The following DERA variants were observed in gnomAD, a reference collection of about 807,000 sequenced individuals.
DERA encodes 2-deoxy-D-ribose 5-phosphate aldolase.
Under a neutral mutation model 41.1 loss-of-function variants are expected in DERA, and 15 were observed. The observed-to-expected ratio is 0.37, with a 90% CI of 0.24 to 0.56. DERA has a LOEUF of 0.56. Ranked by LOEUF, DERA falls within the 20% of genes least tolerant of loss-of-function variation. DERA has a pLI of 0.81. For synonymous variants in DERA, 139 were observed against 137.4 expected (o/e 1.01, Z -0.08); for missense variants, 396 against 403.4 (o/e 0.98, Z 0.16).
rs1948356351 is a variant in DERA at position 15,935,233 on chromosome 12, T to A, written c.32-21703T>A. Reference sequence around the variant, plus strand: ...TGAGTATGGTGGCTCATGCCTGTAATCTCAGCACTTTGGGAGGCTGAGGTG... The same window carrying A: ...TGAGTATGGTGGCTCATGCCTGTAAACTCAGCACTTTGGGAGGCTGAGGTG... On this transcript the variant is annotated intron_variant, in intron 1 of 8. Transcript: ENST00000428559. The surrounding 1 kb of genome is among the most constrained non-coding windows in gnomAD (Gnocchi z 4.8). 6.6e-6 allele frequency among the ~76,000 whole-genome samples: 1 copy of A among 152,230 alleles called. No individual in the cohort carries two copies. The highest frequency in any genetic ancestry group is 2.4e-5 in the African/African-American group (1 of 41,450).
rs1948697300 is a variant in DERA, at chr12:15,976,366, G to A, written c.509-5942G>A. 6.6e-6 allele frequency among the ~76,000 whole-genome samples: 1 copy of A among 152,126 alleles called. No individual in the cohort carries two copies. Among genetic ancestry groups the A allele is most frequent in the African/African-American group, 2.4e-5 (1 of 41,418 alleles). ...TAGAATTTTCAGTCCTCGCTGGTAAGGGTGACCTTCACTTTCCCCAGAGCT... is the reference window on the plus strand; with the variant it reads ...TAGAATTTTCAGTCCTCGCTGGTAAAGGTGACCTTCACTTTCCCCAGAGCT... On this transcript the variant is annotated intron_variant, in intron 5 of 8. Coordinates refer to ENST00000428559, the MANE Select transcript of DERA (RefSeq NM_015954.4). The surrounding 1 kb of genome is among the most constrained non-coding windows in gnomAD (Gnocchi z 4.1).
chr12:16,029,910 G>A (rs1265794158), intron 6 of DERA, among the ~76,000 whole-genome samples: 2 of 93,554 alleles, frequency 2.1e-5, no homozygotes, highest in African/African-American at 6.2e-5. Flanking sequence ...ATGTAGCCTT[G>A]GTCTTTTTTT....
Position 15,921,141 on chromosome 12 carries a change from T to G in DERA, c.31+9727T>G, listed in dbSNP as rs1245020166. 2.6e-5 allele frequency among the ~76,000 whole-genome samples: 4 copies of G among 152,232 alleles called. No individual in the cohort carries two copies. The highest frequency in any genetic ancestry group is 5.9e-5 in the Non-Finnish European group (4 of 68,042). ...ATGGAAAGAAATAAGCCTTTTTATT[T>G]GATTGAGATAAGTGAAGAAATGTGT... On this transcript the variant is annotated intron_variant, in intron 1 of 8. Coordinates refer to ENST00000428559, the MANE Select transcript of DERA (RefSeq NM_015954.4). The surrounding 1 kb of genome is among the most constrained non-coding windows in gnomAD (Gnocchi z 5.3).
At position 16,017,887 on chromosome 12, in the gene DERA, T is replaced by G. The variant is rs1318311446; in HGVS notation, c.638-14655T>G. On this transcript the variant is annotated intron_variant, in intron 6 of 8. Transcript: ENST00000428559. The surrounding 1 kb of genome is among the most constrained non-coding windows in gnomAD (Gnocchi z 5.5). ...TATGAATTCCACTTAATGACAAGCTTTCTCAAGCAGCAGTTGATTTGAAAT... is the reference window on the plus strand; with the variant it reads ...TATGAATTCCACTTAATGACAAGCTGTCTCAAGCAGCAGTTGATTTGAAAT... Among the ~76,000 whole-genome samples the G allele has an allele frequency of 1.3e-5, 2 of 152,200 alleles. No individual in the cohort carries two copies. Among genetic ancestry groups the G allele is most frequent in the African/African-American group, 4.8e-5 (2 of 41,466 alleles).
rs1948695004 is a variant in DERA at position 15,976,091 on chromosome 12, T to G, written c.509-6217T>G. Among the ~76,000 whole-genome samples, 1 of 152,210 alleles carries G rather than the reference T, an allele frequency of 6.6e-6. No homozygotes were observed. The highest frequency in any genetic ancestry group is 1.5e-5 in the Non-Finnish European group (1 of 68,036). ...TTATATATCAGTCTATAAATCTGTC[T>G]TAGAACTTACAACTTCACACTATAA... On this transcript the variant is annotated intron_variant, in intron 5 of 8. Transcript: ENST00000428559. This position sits in a 1 kb window ranked among gnomAD's most constrained non-coding sequence, Gnocchi z 4.1.
rs550301521 is a variant in DERA at position 15,973,109 on chromosome 12, G to C, written c.509-9199G>C. Among the ~76,000 whole-genome samples the C allele has an allele frequency of 8.5e-5, 13 of 152,250 alleles. No individual in the cohort carries two copies. The East Asian group carries it at 2.3e-3, about 27-fold the overall frequency. The stretch of plus-strand genomic sequence containing the variant: ...AGCTGGGAACGACAGGCAGAGGTCA[G>C]GTTATGACCTCTACTTCTTCTCAGT... On this transcript the variant is annotated intron_variant, in intron 5 of 8. Coordinates refer to ENST00000428559, the MANE Select transcript of DERA (RefSeq NM_015954.4).
rs1948731101 is a variant in DERA, at chr12:15,981,293, A to G, written c.509-1015A>G. Among the ~76,000 whole-genome samples the G allele has an allele frequency of 6.6e-6, 1 of 152,200 alleles. No individual in the cohort carries two copies. On this transcript the variant is annotated intron_variant, in intron 5 of 8. Transcript: ENST00000428559. The surrounding 1 kb of genome is among the most constrained non-coding windows in gnomAD (Gnocchi z 6.1). ...AACCCCAGAGGCGGAGGTTGCAGTG[A>G]GCTGAGATCACGCCACTGCACTCCA... is the stretch of plus-strand genomic sequence containing the variant.
At position 16,035,109 on chromosome 12, in the gene DERA, C is replaced by T. The variant is rs998202311; in HGVS notation, c.751-1123C>T. On this transcript the variant is annotated intron_variant, in intron 7 of 8. Transcript: ENST00000428559. This position sits in a 1 kb window ranked among gnomAD's most constrained non-coding sequence, Gnocchi z 4.1. ...CTGTGAGAATTGATAAGGGTCTAAA[C>T]TGAAACAAGTGAGAGTGCAGTGGAA... Among the ~76,000 whole-genome samples the T allele has an allele frequency of 6.6e-6, 1 of 152,116 alleles. No individual in the cohort carries two copies. The highest frequency in any genetic ancestry group is 1.5e-5 in the Non-Finnish European group (1 of 68,026).
intron 1 of DERA, among the ~76,000 whole-genome samples, chr12:15,930,978 A>G (rs1948323490): frequency 6.6e-6 from 1 of 152,214 alleles, no homozygotes; most frequent in Admixed American, 6.5e-5. Flanking sequence ...CAGATATTGT[A>G]TAATCTTCAA....
In DERA at chr12:15,935,361, CCTGT is replaced by C; in HGVS notation, c.32-21574_32-21571del. Among the ~76,000 whole-genome samples the C allele has an allele frequency of 6.6e-6, 1 of 152,060 alleles. No homozygotes were observed. The highest frequency in any genetic ancestry group is 1.9e-4 in the East Asian group (1 of 5,176). The stretch of plus-strand genomic sequence containing the variant: ...AATTAGCCAGGTGTGGTGGCATCCA[CCTGT>C]AGTCCTACCTACTTGGGAGGCTGAG... On this transcript the variant is annotated intron_variant, in intron 1 of 8. Transcript: ENST00000428559. This position sits in a 1 kb window ranked among gnomAD's most constrained non-coding sequence, Gnocchi z 4.8.
In DERA at chr12:15,982,610, G is replaced by T. The variant is rs566555868; in HGVS notation, c.637+174G>T. On this transcript the variant is annotated intron_variant, in intron 6 of 8. Transcript: ENST00000428559. The surrounding 1 kb of genome is among the most constrained non-coding windows in gnomAD (Gnocchi z 4.0). The stretch of plus-strand genomic sequence containing the variant: ...CAATGTGAAGTGGTCAAAAACTCCT[G>T]GCTTTCTTCCACATTTTTTTTTGTG... Among the ~76,000 whole-genome samples the T allele has an allele frequency of 6.6e-6, 1 of 152,278 alleles. No homozygotes were observed. Among genetic ancestry groups the T allele is most frequent in the South Asian group, 2.1e-4 (1 of 4,826 alleles).
chr12:15,986,675 A>G (rs1948766300), intron 6 of DERA, among the ~76,000 whole-genome samples: 1 of 151,924 alleles, frequency 6.6e-6, no homozygotes, highest in East Asian at 1.9e-4. Context: ...CTCTTACTAC[A>G]ATGATACGAA....
Position 15,922,127 on chromosome 12 carries a change from A to C in DERA, c.31+10713A>C, listed in dbSNP as rs1013878483. Among the ~76,000 whole-genome samples, 14 of 152,166 alleles carry C rather than the reference A, an allele frequency of 9.2e-5. No homozygotes were observed. The highest frequency in any genetic ancestry group is 2.7e-4 in the African/African-American group (11 of 41,440). ...CACTGTCCATGTCTTTGTGAAAGCT[A>C]TAAGAGCAATAGAACTTAGGAGCCC... On this transcript the variant is annotated intron_variant, in intron 1 of 8. Coordinates refer to ENST00000428559, the MANE Select transcript of DERA (RefSeq NM_015954.4). This position sits in a 1 kb window ranked among gnomAD's most constrained non-coding sequence, Gnocchi z 4.9.
rs1370789009 is a variant in DERA, at chr12:15,918,587, A to C, written c.31+7173A>C. 6.6e-6 allele frequency among the ~76,000 whole-genome samples: 1 copy of C among 152,144 alleles called. No homozygotes were observed. Among genetic ancestry groups the C allele is most frequent in the African/African-American group, 2.4e-5 (1 of 41,422 alleles). ...AATTTTTAAAATGTAAATATATAAG[A>C]ATATTTTAAAAACCTTTATGTGGAG... On this transcript the variant is annotated intron_variant, in intron 1 of 8. Transcript: ENST00000428559. The surrounding 1 kb of genome is among the most constrained non-coding windows in gnomAD (Gnocchi z 4.3).
chr12:15,945,094 T>C (rs1948437076), intron 1 of DERA, among the ~76,000 whole-genome samples: 2 of 152,350 alleles, frequency 1.3e-5, no homozygotes, highest in South Asian at 4.1e-4. Flanking sequence ...TCTATATCTC[T>C]GTTTTGGTAC....
chr12:15,982,261 T>C lies in DERA; in HGVS notation c.509-47T>C, dbSNP rs761171728. 5 of 1,577,820 alleles carry C rather than the reference T, an allele frequency of 3.2e-6. No homozygotes were observed. In the African/African-American group the frequency reaches 6.8e-5, roughly 22 times the overall value. ...AGCTCTAAACGGCTGCCAAGTTATG[T>C]TATCACTTGCCTGCTTTGTAACTGC... On this transcript the variant is annotated intron_variant, in intron 5 of 8. Transcript: ENST00000428559. The surrounding 1 kb of genome is among the most constrained non-coding windows in gnomAD (Gnocchi z 4.0).
Position 15,943,705 on chromosome 12 carries a change from TTTTATTTATTTATTTA to T in DERA, c.32-13211_32-13196del, listed in dbSNP as rs369885387. On this transcript the variant is annotated intron_variant, in intron 1 of 8. Coordinates refer to ENST00000428559, the MANE Select transcript of DERA (RefSeq NM_015954.4). This position sits in a 1 kb window ranked among gnomAD's most constrained non-coding sequence, Gnocchi z 4.5. ...TGTTTCTTCTTTTTTATTTTTTAATTTTTATTTATTTATTTATTTATTTATTTATTTATTTTATTAT... is the reference window on the plus strand; with the variant it reads ...TGTTTCTTCTTTTTTATTTTTTAATTTTTATTTATTTATTTATTTTATTAT... 1.2e-4 allele frequency among the ~76,000 whole-genome samples: 18 copies of T among 144,134 alleles called. No individual in the cohort carries two copies. The highest frequency in any genetic ancestry group is 5.6e-4 in the Admixed American group (8 of 14,312). 94.6% of individuals were successfully genotyped at this position (144,134 alleles called of 152,430 possible).
In DERA at chr12:15,967,724, G is replaced by C. The variant is rs533498588; in HGVS notation, c.508+4777G>C. Among the ~76,000 whole-genome samples, 2 of 152,078 alleles carry C rather than the reference G, an allele frequency of 1.3e-5. No individual in the cohort carries two copies. The highest frequency in any genetic ancestry group is 2.9e-5 in the Non-Finnish European group (2 of 68,020). On this transcript the variant is annotated intron_variant, in intron 5 of 8. Transcript: ENST00000428559. The surrounding 1 kb of genome is among the most constrained non-coding windows in gnomAD (Gnocchi z 4.9). ...TTTACTGTCAGATCATGTTGAGCTC[G>C]TGACGGCACACTGTCCTTCCCTGCC...
At chr12:15,969,687 G>A (rs1281000404) in intron 5 of DERA, among the ~76,000 whole-genome samples, 2 of 152,148 alleles carry the variant, frequency 1.3e-5, no homozygotes, top group Non-Finnish European at 2.9e-5. Context: ...TTTCTTACAT[G>A]AAGAGAATCC....
Sources: gnomAD v4.1 joint callset for allele counts (sites outside exome capture counted in the v4.1 genomes callset) on GRCh38, gnomAD v4.1.1 for gene constraint, Gnocchi (gnomAD v3.1) non-coding constraint, MANE v1.5 for transcripts, NCBI Gene and HGNC (gene_info 2026-07-23, HGNC 2026-07-21) for gene names.